REEP1: variants seen among roughly 807,000 people sequenced by gnomAD.
REEP1 encodes the protein receptor expression-enhancing protein 1.
Under a neutral mutation model 40.3 loss-of-function variants are expected in REEP1, and 22 were observed. The observed-to-expected ratio is 0.55, with a 90% CI of 0.39 to 0.78. The LOEUF (loss-of-function observed/expected upper bound fraction) is 0.78. Among genes scored for constraint, REEP1 ranks in the 30% least tolerant of loss-of-function variants. The pLI, the probability that REEP1 is intolerant of heterozygous loss-of-function variation, is 0.00. For missense variants in REEP1, 280 were observed against 361.1 expected (o/e 0.78, Z 1.82); for synonymous variants, 116 against 139.2 (o/e 0.83, Z 1.17).
At chr2:86,312,363 C>T (rs1679802685) in intron 1 of REEP1, among the ~76,000 whole-genome samples, 1 of 152,202 alleles carries the variant, frequency 6.6e-6, no homozygotes, top group African/African-American at 2.4e-5. Flanking sequence ...GTCCAGCCCA[C>T]AGCACTTCTG....
intron 6 of REEP1, 144 bp from the exon 7 acceptor site, chr2:86,227,542 A>T (rs1370861261): frequency 1.0e-5 from 6 of 573,328 alleles, no homozygotes. Flanking sequence ...CTCTGTAGAG[A>T]CACCAAAGTG....
intron 1 of REEP1, among the ~76,000 whole-genome samples, chr2:86,314,718 C>G (rs987914273): frequency 6.7e-6 from 1 of 149,400 alleles, no homozygotes; most frequent in East Asian, 2.0e-4. Context: ...TTGCCCAGGC[C>G]GGAGTGCAGT....
intron 4 of REEP1, among the ~76,000 whole-genome samples, chr2:86,252,437 G>A (rs1194820307): frequency 6.6e-6 from 1 of 151,904 alleles, no homozygotes; most frequent in Non-Finnish European, 1.5e-5. Context: ...GCCCAGAACC[G>A]AGCTTCTAGC....
At chr2:86,229,239 G>A (rs80017367) in intron 6 of REEP1, among the ~76,000 whole-genome samples, 1 of 152,208 alleles carries the variant, frequency 6.6e-6, no homozygotes, top group Admixed American at 6.5e-5. Context: ...CTATGGTAGC[G>A]ACTGCCTGGG....
At chr2:86,334,852 T>G (rs1182770628) in intron 1 of REEP1, among the ~76,000 whole-genome samples, 2 of 152,104 alleles carry the variant, frequency 1.3e-5, no homozygotes, top group Non-Finnish European at 2.9e-5. Context: ...GATTTAGTGC[T>G]CTCCGTGGTG....
intron 1 of REEP1, among the ~76,000 whole-genome samples, chr2:86,293,785 C>T (rs568297634): frequency 6.6e-6 from 1 of 152,280 alleles, no homozygotes; most frequent in Admixed American, 6.5e-5. Flanking sequence ...CTGATTTCCC[C>T]ATCTGTTAAA....
At chr2:86,288,477 A>G (rs1678529356) in intron 1 of REEP1, among the ~76,000 whole-genome samples, 1 of 152,156 alleles carries the variant, frequency 6.6e-6, no homozygotes, top group South Asian at 2.1e-4. Flanking sequence ...CTTTTTAACT[A>G]CTGTGTACCA....
At chr2:86,299,620 G>T (rs1679167421) in intron 1 of REEP1, among the ~76,000 whole-genome samples, 1 of 152,056 alleles carries the variant, frequency 6.6e-6, no homozygotes, top group South Asian at 2.1e-4. Flanking sequence ...TCCTCATTAG[G>T]CTACAAGTTC....
At chr2:86,243,669 G>A (rs1187344526) in intron 5 of REEP1, among the ~76,000 whole-genome samples, 2 of 152,196 alleles carry the variant, frequency 1.3e-5, no homozygotes, top group Non-Finnish European at 2.9e-5. Flanking sequence ...TGAAACTTGG[G>A]TACGAGTTGA....
intron 1 of REEP1, among the ~76,000 whole-genome samples, chr2:86,327,048 A>C (rs974690241): frequency 6.6e-6 from 1 of 152,228 alleles, no homozygotes; most frequent in Non-Finnish European, 1.5e-5. Context: ...TCTGTCGAAC[A>C]AGGGCATGAC....
chr2:86,239,290 T>C (rs1183702035), intron 5 of REEP1, among the ~76,000 whole-genome samples: 1 of 146,764 alleles, frequency 6.8e-6, no homozygotes, highest in Non-Finnish European at 1.5e-5. Flanking sequence ...AAGGAGCACA[T>C]GGTATCTCCA....
chr2:86,239,628 CA>C (rs1224510139), intron 5 of REEP1, among the ~76,000 whole-genome samples: 1 of 152,188 alleles, frequency 6.6e-6, no homozygotes, highest in East Asian at 1.9e-4. Flanking sequence ...AGCAGGCTCC[CA>C]ATGACATGCT....
intron 7 of REEP1, among the ~76,000 whole-genome samples, chr2:86,225,470 C>T (rs1282850098): frequency 6.6e-6 from 1 of 152,168 alleles, no homozygotes; most frequent in African/African-American, 2.4e-5. Flanking sequence ...GGGGTTTCTC[C>T]ATGTTCGTCA....
chr2:86,256,084 C>A (rs1676539487), intron 3 of REEP1, among the ~76,000 whole-genome samples: 1 of 152,136 alleles, frequency 6.6e-6, no homozygotes, highest in Non-Finnish European at 1.5e-5. Flanking sequence ...CGCGGTGGCT[C>A]ATGCCTGTAA....
intron 1 of REEP1, among the ~76,000 whole-genome samples, chr2:86,309,123 C>T (rs1000914153): frequency 6.6e-6 from 1 of 152,200 alleles, no homozygotes; most frequent in African/African-American, 2.4e-5. Context: ...TAAAAATACC[C>T]CTCGCTGTGG....
At chr2:86,244,219 A>G (rs1000247111) in intron 5 of REEP1, among the ~76,000 whole-genome samples, 1 of 152,184 alleles carries the variant, frequency 6.6e-6, no homozygotes, top group African/African-American at 2.4e-5. Context: ...GATTCCAAAA[A>G]TAGTTTCATG....
At position 86,304,668 on chromosome 2, in the gene REEP1, A is replaced by G. The variant is rs540307562; in HGVS notation, c.33-22426T>C. 3.9e-5 allele frequency among the ~76,000 whole-genome samples: 6 copies of G among 152,172 alleles called. No individual in the cohort carries two copies. In the East Asian group the frequency reaches 1.2e-3, roughly 29 times the overall value. On this transcript the variant is annotated intron_variant, in intron 1 of 8. Transcript: ENST00000538924. ...ATGAAAACAATGCCCCTGAAACACA[A>G]CCTGTTTGGCATAGCTATGCTGCCC...
intron 5 of REEP1, among the ~76,000 whole-genome samples, chr2:86,245,487 G>C (rs1675886890): frequency 6.6e-6 from 1 of 152,178 alleles, no homozygotes; most frequent in South Asian, 2.1e-4. Flanking sequence ...GCACAAAGGA[G>C]ATTCATTTAA....
Position 86,216,057 on chromosome 2 carries a change from C to T in REEP1, c.*982G>A, listed in dbSNP as rs929033896. 7.9e-5 allele frequency: 12 copies of T among 152,178 alleles called. No homozygotes were observed. The highest frequency in any genetic ancestry group is 2.9e-4 in the African/African-American group (12 of 41,450). The allele number at this position is 152,178 out of a possible 1,614,324, so 9.4% of individuals were successfully genotyped here. On this transcript the variant is annotated 3_prime_UTR_variant, in exon 9 of 9. Transcript: ENST00000538924. ...AAGCTAAACAAGTTTTGCTAGAGTT[C>T]GCTAAAACAAGGTGCTCAGAGTGTA...
Sources: gnomAD v4.1 joint callset for allele counts (sites outside exome capture counted in the v4.1 genomes callset) on GRCh38, gnomAD v4.1.1 for gene constraint, MANE v1.5 for transcripts, NCBI Gene and HGNC (gene_info 2026-07-23, HGNC 2026-07-21) for gene names.